The following CXorf38 variants were observed in gnomAD, a reference collection of about 807,000 sequenced individuals.
The protein encoded by CXorf38 is uncharacterized protein CXorf38.
A neutral mutation model predicts 27.5 loss-of-function variants in CXorf38; 13 were observed. The ratio of observed to expected loss-of-function variants is 0.47; its 90% CI spans 0.31 to 0.75. The LOEUF (loss-of-function observed/expected upper bound fraction) is 0.75, where lower values mean the gene tolerates loss of function less well. CXorf38 is among the 30% of genes least tolerant of loss of function. The pLI is 0.05. For missense variants in CXorf38, 240 were observed against 253.2 expected (o/e 0.95, Z 0.35); for synonymous variants, 100 against 99.8 (o/e 1.00, Z -0.01).
intron 1 of CXorf38, 77 bp from the exon 2 acceptor site, chrX:40,647,218 A>G (rs1271708158): frequency 5.2e-6 from 6 of 1,162,321 alleles, no homozygotes; most frequent in East Asian, 3.1e-5. Context: ...AGGGAACAGG[A>G]CACTTGCGCT....
intron 3 of CXorf38, 150 bp from the exon 4 acceptor site, chrX:40,637,306 G>C (rs1928118303): frequency 2.4e-6 from 1 of 416,904 alleles, no homozygotes; most frequent in African/African-American, 2.5e-5. Context: ...GAACTTTCTT[G>C]GGATCATGGG....
intron 5 of CXorf38, among the ~76,000 whole-genome samples, chrX:40,631,135 C>G (rs184756338): frequency 3.7e-5 from 4 of 108,206 alleles, no homozygotes; most frequent in Non-Finnish European, 7.7e-5. Context: ...AATAAAATGC[C>G]CTTTTCTTTT....
In CXorf38 at chrX:40,636,717, G is replaced by A; in HGVS notation, c.622-5C>T. 1 of 1,187,716 alleles carries A rather than the reference G, an allele frequency of 8.4e-7. No homozygotes were observed. Among genetic ancestry groups the A allele is most frequent in the Non-Finnish European group, 1.1e-6 (1 of 881,039 alleles). On this transcript the variant is annotated splice_region_variant and splice_polypyrimidine_tract_variant and intron_variant, in intron 4 of 6. Transcript: ENST00000327877. Reference sequence around the variant, plus strand: ...AGCCCAGTCAGACGTCAACAGCTGAGGGATTGCCACACAAATATATGAACT... The same window carrying A: ...AGCCCAGTCAGACGTCAACAGCTGAAGGATTGCCACACAAATATATGAACT...
chrX:40,635,481 G>A (rs747236895), intron 5 of CXorf38, among the ~76,000 whole-genome samples: 20 of 113,014 alleles, frequency 1.8e-4, no homozygotes, highest in African/African-American at 6.4e-4. Context: ...TGGACAAGGA[G>A]GAATGGAGAG....
At chrX:40,643,657 C>T (rs1928446205) in intron 2 of CXorf38, among the ~76,000 whole-genome samples, 1 of 110,949 alleles carries the variant, frequency 9.0e-6, no homozygotes, top group Non-Finnish European at 1.9e-5. Flanking sequence ...TACAGGCATG[C>T]GCCACCATGC....
rs1456222184 is a variant in CXorf38, at chrX:40,627,283, C to T, written c.*2881G>A. 1 of 108,722 alleles carries T rather than the reference C, an allele frequency of 9.2e-6. No homozygotes were observed. The highest frequency in any genetic ancestry group is 3.4e-5 in the African/African-American group (1 of 29,694). 9.0% of individuals were successfully genotyped at this position (108,722 alleles called of 1,213,427 possible). On this transcript the variant is annotated 3_prime_UTR_variant, in exon 7 of 7. Transcript: ENST00000327877. ...TCGGCTCACTGCAACCTCCACCTCC[C>T]CAGTTCAAGCGATTCTCCTGCCTCA... is the stretch of plus-strand genomic sequence containing the variant.
chrX:40,644,391 G>A (rs1303206821), intron 2 of CXorf38, among the ~76,000 whole-genome samples: 3 of 111,524 alleles, frequency 2.7e-5, no homozygotes, highest in Non-Finnish European at 5.6e-5. Flanking sequence ...AATAGATGGT[G>A]CACATGGAGA....
intron 2 of CXorf38, 34 bp from the exon 3 acceptor site, chrX:40,639,162 C>G: frequency 1.7e-6 from 2 of 1,181,142 alleles, no homozygotes; most frequent in Non-Finnish European, 2.3e-6. Flanking sequence ...GGACCTGAGT[C>G]TCTTCCAACT....
chrX:40,644,541 A>T (rs1163675036), intron 2 of CXorf38, among the ~76,000 whole-genome samples: 3 of 112,904 alleles, frequency 2.7e-5, no homozygotes, highest in African/African-American at 6.4e-5. Context: ...GAAATTTTTT[A>T]AAAATATAGC....
chrX:40,639,314 G>A, intron 2 of CXorf38, 186 bp from the exon 3 acceptor site: 1 of 418,305 alleles, frequency 2.4e-6, no homozygotes, highest in Non-Finnish European at 4.1e-6. Flanking sequence ...TTGGCCAAGG[G>A]CAATAACTGA....
At chrX:40,645,005 G>GA (rs745976422) in intron 2 of CXorf38, among the ~76,000 whole-genome samples, 1 of 109,819 alleles carries the variant, frequency 9.1e-6, no homozygotes, top group Non-Finnish European at 1.9e-5. Flanking sequence ...AGAGAAAGGA[G>GA]AAAAAAAAAG....
chrX:40,647,296 G>C lies in CXorf38; in HGVS notation c.216+9C>G. On this transcript the variant is annotated intron_variant, in intron 1 of 6. Transcript: ENST00000327877. ...GGGCGGTGGTCAAGGCCCCGAGCCA[G>C]GTGCTCACCTGGCGGGCGCGAGGGC... is the stretch of plus-strand genomic sequence containing the variant. 2 of 1,092,805 alleles carry C rather than the reference G, an allele frequency of 1.8e-6. No individual in the cohort carries two copies. The highest frequency in any genetic ancestry group is 2.3e-5 in the South Asian group (1 of 42,808). The allele number at this position is 1,092,805 out of a possible 1,213,427, so 90.1% of individuals were successfully genotyped here. A position where few individuals can be genotyped will look rare whatever the true frequency, so the allele number is the denominator to read the frequency against.
rs1422825359 is a variant in CXorf38, at chrX:40,629,650, T to C, written c.*514A>G. The C allele has an allele frequency of 8.9e-6, 1 of 111,869 alleles. No homozygotes were observed. Among genetic ancestry groups the C allele is most frequent in the Non-Finnish European group, 1.9e-5 (1 of 53,058 alleles). 9.2% of individuals were successfully genotyped at this position (111,869 alleles called of 1,213,427 possible). On this transcript the variant is annotated 3_prime_UTR_variant, in exon 7 of 7. Transcript: ENST00000327877. ...TTTTGGGAGACAGAATCTCGCTCTATTGCCCAGGCTGGAGTACAGTGGCAT... is the reference window on the plus strand; with the variant it reads ...TTTTGGGAGACAGAATCTCGCTCTACTGCCCAGGCTGGAGTACAGTGGCAT...
Position 40,627,235 on chromosome X carries a change from G to A in CXorf38, c.*2929C>T, listed in dbSNP as rs1464859035. On this transcript the variant is annotated 3_prime_UTR_variant, in exon 7 of 7. Coordinates refer to ENST00000327877, the MANE Select transcript of CXorf38 (RefSeq NM_144970.3). ...AGACGGAGTCTCCCTCTGTCACCCA[G>A]GCTGGAATGCAGTGGTGTGATCTCG... 1 of 108,039 alleles carries A rather than the reference G, an allele frequency of 9.3e-6. No individual in the cohort carries two copies. The highest frequency in any genetic ancestry group is 1.9e-5 in the Non-Finnish European group (1 of 52,017). The allele number at this position is 108,039 out of a possible 1,213,427, so 8.9% of individuals were successfully genotyped here.
intron 2 of CXorf38, among the ~76,000 whole-genome samples, chrX:40,642,419 T>C (rs181024925): frequency 9.0e-6 from 1 of 111,275 alleles, no homozygotes; most frequent in Non-Finnish European, 1.9e-5. Flanking sequence ...GCCTGGACAA[T>C]GTCACCAGAG....
intron 3 of CXorf38, among the ~76,000 whole-genome samples, chrX:40,637,809 A>G (rs1928141870): frequency 8.9e-6 from 1 of 112,236 alleles, no homozygotes; most frequent in South Asian, 3.7e-4. Flanking sequence ...TCTCTGGAGC[A>G]GATTTCCAAG....
intron 2 of CXorf38, chrX:40,639,820 C>T (rs1928238412): frequency 8.0e-6 from 1 of 124,656 alleles, no homozygotes; most frequent in African/African-American, 3.3e-5. Context: ...CAGATGGAAT[C>T]CGGGGATGGG....
intron 2 of CXorf38, among the ~76,000 whole-genome samples, chrX:40,645,592 G>T (rs1199035311): frequency 3.7e-5 from 4 of 109,465 alleles, no homozygotes; most frequent in Non-Finnish European, 7.6e-5. Flanking sequence ...ACCGGCTCGT[G>T]ATACCCAAAA....
At chrX:40,636,342 G>A (rs1928063612) in intron 5 of CXorf38, among the ~76,000 whole-genome samples, 191 bp downstream of exon 5, 1 of 112,311 alleles carries the variant, frequency 8.9e-6, no homozygotes, top group Admixed American at 9.4e-5. Context: ...AATGTTTGCT[G>A]ATGTGAAAGT....
Sources: allele counts gnomAD v4.1 joint callset (sites outside exome capture counted in the v4.1 genomes callset), GRCh38; gene constraint gnomAD v4.1.1; transcripts MANE v1.5; gene names NCBI Gene and HGNC (gene_info 2026-07-23, HGNC 2026-07-21).